The following ENTPD1 variants were observed in gnomAD, a reference collection of about 807,000 sequenced individuals.
ENTPD1 encodes the protein ectonucleoside triphosphate diphosphohydrolase 1, also known as ATP diphosphohydrolase.
ENTPD1 carries 33 observed loss-of-function variants against 57.0 expected under a neutral mutation model. That is an observed-to-expected ratio of 0.58 (90% CI 0.44 to 0.77). ENTPD1 has a LOEUF of 0.77. ENTPD1 is among the 30% of genes least tolerant of loss of function. The pLI, the probability that ENTPD1 is intolerant of heterozygous loss-of-function variation, is 0.00. For missense variants in ENTPD1, 501 were observed against 603.4 expected, an observed-to-expected ratio of 0.83 and a Z score of 1.78; for synonymous variants, 202 against 218.8, an observed-to-expected ratio of 0.92 and a Z score of 0.68.
chr10:95,873,281 A>C lies in ENTPD1; in HGVS notation c.*6898A>C. The C allele has an allele frequency of 1.0e-6, 1 of 985,436 alleles. No homozygotes were observed. Among genetic ancestry groups the C allele is most frequent in the Non-Finnish European group, 1.2e-6 (1 of 829,934 alleles). The allele number at this position is 985,436 out of a possible 1,614,324, so 61.0% of individuals were successfully genotyped here. ...GTCATTCACAGGCATTCTGTTCCAC[A>C]GCAGGCCAGCTAACGTGGTATTTAC... is the stretch of plus-strand genomic sequence containing the variant. On this transcript the variant is annotated 3_prime_UTR_variant, in exon 10 of 10. Coordinates refer to ENST00000371205, the MANE Select transcript of ENTPD1 (RefSeq NM_001776.6).
intron 5 of ENTPD1, chr10:95,844,946 G>A (rs2098431386): frequency 2.1e-6 from 1 of 473,680 alleles, no homozygotes; most frequent in South Asian, 2.1e-5. Context: ...CTCCCGCTGT[G>A]CTCAGCACTT....
chr10:95,876,019 C>T lies in ENTPD1; in HGVS notation c.*9636C>T, dbSNP rs2098485394. On this transcript the variant is annotated 3_prime_UTR_variant, in exon 10 of 10. Coordinates refer to ENST00000371205, the MANE Select transcript of ENTPD1 (RefSeq NM_001776.6). The stretch of plus-strand genomic sequence containing the variant: ...GGAAGTACAATCTCTTGCTATATGA[C>T]ACAATAATTATTTGCAAAATGAGTA... 4 of 985,194 alleles carry T rather than the reference C, an allele frequency of 4.1e-6. No individual in the cohort carries two copies. In the South Asian group the frequency reaches 1.4e-4, roughly 35 times the overall value. The allele number at this position is 985,194 out of a possible 1,614,324, so 61.0% of individuals were successfully genotyped here. A position where few individuals can be genotyped will look rare whatever the true frequency, so the allele number is the denominator to read the frequency against.
In ENTPD1 at chr10:95,756,191, T is replaced by TGGG. The variant is rs149930011; in HGVS notation, c.-42_-40dup. On this transcript the variant is annotated 5_prime_UTR_variant, in exon 1 of 10. Transcript: ENST00000371205. ...GAGACGGACCACAGCAAGCAGAGGC[T>TGGG]GGGGGGGGGAAAGACGAGGAAAGAG... The TGGG allele has an allele frequency of 2.0e-6, 3 of 1,484,634 alleles. No homozygotes were observed. Among genetic ancestry groups the TGGG allele is most frequent in the East Asian group, 2.5e-5 (1 of 39,486 alleles). The allele number at this position is 1,484,634 out of a possible 1,614,324, so 92.0% of individuals were successfully genotyped here.
At chr10:95,800,531 A>G (rs557575038) in intron 1 of ENTPD1, among the ~76,000 whole-genome samples, 2 of 152,268 alleles carry the variant, frequency 1.3e-5, no homozygotes, top group African/African-American at 4.8e-5. Context: ...CAATCCTAGT[A>G]AGCCTGAGGG....
At chr10:95,785,387 A>G (rs1220106908) in intron 1 of ENTPD1, 2 of 152,210 alleles carry the variant, frequency 1.3e-5, no homozygotes, top group Non-Finnish European at 2.9e-5. Flanking sequence ...TGTAAAATGC[A>G]GTTGGTATTA....
chr10:95,825,281 C>T (rs901240780), intron 2 of ENTPD1, among the ~76,000 whole-genome samples: 2 of 152,180 alleles, frequency 1.3e-5, no homozygotes, highest in South Asian at 4.1e-4. Flanking sequence ...TTAAAGCATA[C>T]TCTTGAATGA....
intron 2 of ENTPD1, among the ~76,000 whole-genome samples, chr10:95,830,970 G>A (rs1026956266): frequency 4.4e-4 from 67 of 152,206 alleles, no homozygotes; most frequent in African/African-American, 1.2e-3. Flanking sequence ...GATTAGAGGA[G>A]AGACCAGTTA....
In ENTPD1 at chr10:95,853,441, T is replaced by A. The variant is rs530833921; in HGVS notation, c.1074+5735T>A. Reference sequence around the variant, plus strand: ...CCTTTATTTCCTTCTCCTGCCTGATTGCCCTGGCCAGAACTTCCAACACTA... The same window carrying A: ...CCTTTATTTCCTTCTCCTGCCTGATAGCCCTGGCCAGAACTTCCAACACTA... On this transcript the variant is annotated intron_variant, in intron 7 of 9. Coordinates refer to ENST00000371205, the MANE Select transcript of ENTPD1 (RefSeq NM_001776.6). Among the ~76,000 whole-genome samples, 13 of 152,304 alleles carry A rather than the reference T, an allele frequency of 8.5e-5. No individual in the cohort carries two copies. In the South Asian group the frequency reaches 2.3e-3, roughly 27 times the overall value.
intron 1 of ENTPD1, among the ~76,000 whole-genome samples, chr10:95,808,144 T>C (rs562502241): frequency 1.2e-3 from 186 of 152,364 alleles, no homozygotes; most frequent in African/African-American, 3.7e-3. Context: ...TTGAATTTTA[T>C]AGAAATCCTT....
chr10:95,831,922 TG>T (rs548558558), intron 2 of ENTPD1, among the ~76,000 whole-genome samples: 3 of 152,372 alleles, frequency 2.0e-5, no homozygotes, highest in African/African-American at 7.2e-5. Context: ...AAATAGCCAT[TG>T]AATATCAACT....
intron 1 of ENTPD1, among the ~76,000 whole-genome samples, chr10:95,800,097 AGTT>A (rs532564569): frequency 3.5e-4 from 53 of 152,280 alleles, no homozygotes; most frequent in African/African-American, 1.2e-3. Context: ...CTCTGTTGAT[AGTT>A]TATTTTGCTG....
chr10:95,862,839 T>G (rs1482886285), intron 8 of ENTPD1, among the ~76,000 whole-genome samples: 1 of 152,232 alleles, frequency 6.6e-6, no homozygotes, highest in Admixed American at 6.5e-5. Flanking sequence ...TTCAGCCTCA[T>G]GAATATTTAG....
chr10:95,814,185 T>TGCCAACC (rs1159945484), intron 1 of ENTPD1, among the ~76,000 whole-genome samples: 1 of 152,148 alleles, frequency 6.6e-6, no homozygotes, highest in Non-Finnish European at 1.5e-5. Context: ...CCTTCCTCCC[T>TGCCAACC]GCCAACCCTA....
intron 1 of ENTPD1, among the ~76,000 whole-genome samples, chr10:95,803,516 G>T (rs2098259389): frequency 6.6e-6 from 1 of 152,226 alleles, no homozygotes; most frequent in Non-Finnish European, 1.5e-5. Context: ...CTTTTGAGAA[G>T]TGTCTGTTCA....
chr10:95,760,357 T>C (rs80108188), intron 1 of ENTPD1, among the ~76,000 whole-genome samples: 1 of 152,228 alleles, frequency 6.6e-6, no homozygotes, highest in East Asian at 1.9e-4. Context: ...TTTCTCTCTT[T>C]TACCTTAACT....
intron 1 of ENTPD1, among the ~76,000 whole-genome samples, chr10:95,796,712 G>C (rs1025289440): frequency 6.6e-6 from 1 of 152,146 alleles, no homozygotes; most frequent in Non-Finnish European, 1.5e-5. Flanking sequence ...AGTAGATGAT[G>C]TGTTGGAAGG....
rs1274803620 is a variant in ENTPD1, at chr10:95,866,808, C to G, written c.*425C>G. The G allele has an allele frequency of 3.3e-5, 35 of 1,050,286 alleles. No homozygotes were observed. The highest frequency in any genetic ancestry group is 4.0e-5 in the Non-Finnish European group (35 of 868,658). The allele number at this position is 1,050,286 out of a possible 1,614,324, so 65.1% of individuals were successfully genotyped here. ...GTACTCTTTAAGAACCCCTTTCTCT[C>G]TCCTGTTTGCCATCCATTAAGAAAG... On this transcript the variant is annotated 3_prime_UTR_variant, in exon 10 of 10. Coordinates refer to ENST00000371205, the MANE Select transcript of ENTPD1 (RefSeq NM_001776.6).
rs1009852002 is a variant in ENTPD1 at position 95,866,629 on chromosome 10, T to C, written c.*246T>C. 7.4e-7 allele frequency: 1 copy of C among 1,348,342 alleles called. No individual in the cohort carries two copies. Among genetic ancestry groups the C allele is most frequent in the East Asian group, 3.2e-5 (1 of 31,486 alleles). 83.5% of individuals were successfully genotyped at this position (1,348,342 alleles called of 1,614,324 possible). A position where few individuals can be genotyped will look rare whatever the true frequency, so the allele number is the denominator to read the frequency against. On this transcript the variant is annotated 3_prime_UTR_variant, in exon 10 of 10. Coordinates refer to ENST00000371205, the MANE Select transcript of ENTPD1 (RefSeq NM_001776.6). Reference sequence around the variant, plus strand: ...CAGCTACACCTTTCTCCTTTGTACTTTGTGCTTGTATAGGTTTTAAAGACC... The same window carrying C: ...CAGCTACACCTTTCTCCTTTGTACTCTGTGCTTGTATAGGTTTTAAAGACC...
chr10:95,839,796 T>C lies in ENTPD1; in HGVS notation c.250T>C (p.Cys84Arg). The C allele has an allele frequency of 6.2e-7, 1 of 1,613,834 alleles. No homozygotes were observed. ...DTGVVHQVEE[C>R]RVKGPGISKF... The stretch of plus-strand genomic sequence containing the variant: ...AGGCGTGGTGCATCAAGTAGAAGAA[T>C]GCAGGGTTAAAGGTAAGATGAAGAC... Residue 84 changes from cysteine (C) to arginine (R), a missense_variant, in exon 3 of 10, where the codon TGC becomes CGC. By Grantham distance (180) the Cys-to-Arg change is radical. Transcript: ENST00000371205.
Sources: gnomAD v4.1 joint callset for allele counts (sites outside exome capture counted in the v4.1 genomes callset) on GRCh38, gnomAD v4.1.1 for gene constraint, MANE v1.5 for transcripts, NCBI Gene and HGNC (gene_info 2026-07-23, HGNC 2026-07-21) for gene names.